ATP13A3: variants seen among roughly 807,000 people sequenced by gnomAD.
The protein encoded by ATP13A3 is ATPase 13A3.
Under a neutral mutation model 158.1 loss-of-function variants are expected in ATP13A3, and 59 were observed. That is an observed-to-expected ratio of 0.37 (90% CI 0.30 to 0.46). ATP13A3 has a LOEUF of 0.46. Among genes scored for constraint, ATP13A3 ranks in the 20% least tolerant of loss-of-function variants. The pLI is 1.00. For missense variants in ATP13A3, 1,166 were observed against 1,525.2 expected (o/e 0.76, Z 3.92); for synonymous variants, 491 against 504.3 (o/e 0.97, Z 0.35).
chr3:194,444,670 CAT>C (rs918194269), intron 15 of ATP13A3, 53 bp downstream of exon 15: 22 of 1,423,342 alleles, frequency 1.5e-5, no homozygotes, highest in Admixed American at 2.3e-5. Context: ...GAATGTTGCA[CAT>C]GTTAAAATAT....
At chr3:194,421,609 A>G (rs1716384122) in intron 30 of ATP13A3, among the ~76,000 whole-genome samples, 1 of 151,822 alleles carries the variant, frequency 6.6e-6, no homozygotes, top group South Asian at 2.1e-4. Context: ...ATTCTACTAA[A>G]TTGTAAATAG....
chr3:194,453,279 T>C (rs1308897234), intron 10 of ATP13A3, among the ~76,000 whole-genome samples: 13 of 123,958 alleles, frequency 1.0e-4, no homozygotes, highest in Non-Finnish European at 1.6e-4. Flanking sequence ...CACATCGACT[T>C]TAAAAAAAAA....
chr3:194,425,319 A>G (rs1716685169), intron 30 of ATP13A3, 23 bp downstream of exon 30: 1 of 1,598,378 alleles, frequency 6.3e-7, no homozygotes, highest in African/African-American at 1.3e-5. Flanking sequence ...CAGGGTGGAA[A>G]TCACAATAAA....
chr3:194,433,661 A>C, intron 21 of ATP13A3, 111 bp downstream of exon 21: 1 of 1,337,500 alleles, frequency 7.5e-7, no homozygotes, highest in Non-Finnish European at 1.0e-6. Context: ...ACTTAGGTTG[A>C]AACCACTATA....
chr3:194,452,493 A>G (rs1577070142), intron 10 of ATP13A3: 1 of 152,346 alleles, frequency 6.6e-6, no homozygotes, highest in East Asian at 1.9e-4. Context: ...AAAAAATAAA[A>G]TAAAATAAAA....
chr3:194,422,859 C>G (rs1053525353), intron 30 of ATP13A3, among the ~76,000 whole-genome samples: 2 of 151,410 alleles, frequency 1.3e-5, no homozygotes, highest in South Asian at 4.2e-4. Context: ...TATCCCTCTC[C>G]CCTTATCCAG....
intron 2 of ATP13A3, among the ~76,000 whole-genome samples, chr3:194,463,006 A>G (rs1719764570): frequency 6.6e-6 from 1 of 152,242 alleles, no homozygotes; most frequent in Non-Finnish European, 1.5e-5. Flanking sequence ...ACTCAAAATT[A>G]TTCACTGTAG....
At chr3:194,412,156 C>CT (rs1362295653) in intron 33 of ATP13A3, 43 bp downstream of exon 33, 1 of 1,442,932 alleles carries the variant, frequency 6.9e-7, no homozygotes, top group East Asian at 2.5e-5. Flanking sequence ...AGCAGAGAGC[C>CT]TAGAGAGGCA....
At chr3:194,459,324 C>T (rs1376742295) in intron 6 of ATP13A3, 147 bp downstream of exon 6, 3 of 642,552 alleles carry the variant, frequency 4.7e-6, no homozygotes, top group Non-Finnish European at 8.3e-6. Context: ...AGCCTTCAAA[C>T]AGCAACAGGG....
chr3:194,450,109 GAAC>G (rs1718700612), intron 11 of ATP13A3, 33 bp downstream of exon 11: 1 of 1,605,076 alleles, frequency 6.2e-7, no homozygotes, highest in Admixed American at 1.7e-5. Context: ...GATATATCAT[GAAC>G]AACTCATGTT....
At chr3:194,441,643 T>A (rs2108867795) in intron 15 of ATP13A3, among the ~76,000 whole-genome samples, 182 bp from the exon 16 acceptor site, 1 of 151,982 alleles carries the variant, frequency 6.6e-6, no homozygotes, top group East Asian at 1.9e-4. Flanking sequence ...GGGTGTGAAC[T>A]TGAGCTGATG....
chr3:194,454,624 C>G (rs565424329), intron 8 of ATP13A3, among the ~76,000 whole-genome samples: 3 of 151,492 alleles, frequency 2.0e-5, no homozygotes, highest in Non-Finnish European at 2.9e-5. Context: ...GTCAGGAGAT[C>G]AAAACATCCT....
intron 2 of ATP13A3, among the ~76,000 whole-genome samples, chr3:194,473,237 A>G (rs1720385528): frequency 6.6e-6 from 1 of 152,232 alleles, no homozygotes; most frequent in Non-Finnish European, 1.5e-5. Flanking sequence ...GATGCCCTGC[A>G]TTCATGTGTC....
intron 30 of ATP13A3, 25 bp from the exon 31 acceptor site, chr3:194,419,992 CAAGTA>C (rs1313187742): frequency 6.7e-6 from 10 of 1,497,358 alleles, no homozygotes; most frequent in Non-Finnish European, 8.8e-6. Flanking sequence ...AAAAGTAAAA[CAAGTA>C]AATTAGGAAA....
At chr3:194,450,586 A>G in intron 10 of ATP13A3, 1 of 282,010 alleles carries the variant, frequency 3.5e-6, no homozygotes, top group Non-Finnish European at 6.9e-6. Flanking sequence ...CTATTAGCCT[A>G]AGGAAGAGAC....
chr3:194,433,953 T>G, intron 20 of ATP13A3, 57 bp from the exon 21 acceptor site: 3 of 1,522,558 alleles, frequency 2.0e-6, no homozygotes, highest in East Asian at 2.3e-5. Context: ...AAGCAACTTA[T>G]GTACACAAAC....
chr3:194,464,535 G>A (rs1719878262), intron 2 of ATP13A3, among the ~76,000 whole-genome samples: 1 of 152,156 alleles, frequency 6.6e-6, no homozygotes, highest in East Asian at 1.9e-4. Flanking sequence ...AGACTATGGT[G>A]AGAATAAGCC....
chr3:194,416,134 A>G (rs935279468), intron 31 of ATP13A3, among the ~76,000 whole-genome samples: 1 of 152,212 alleles, frequency 6.6e-6, no homozygotes, highest in Non-Finnish European at 1.5e-5. Flanking sequence ...TCAGGGAGAA[A>G]AACTGTGTGA....
intron 2 of ATP13A3, among the ~76,000 whole-genome samples, chr3:194,483,993 T>A (rs1389866829): frequency 1.3e-5 from 2 of 151,972 alleles, no homozygotes; most frequent in African/African-American, 4.8e-5. Context: ...TTATCACCTA[T>A]CAAAGAAAAC....
Sources: gnomAD v4.1 joint callset for allele counts (sites outside exome capture counted in the v4.1 genomes callset) on GRCh38, gnomAD v4.1.1 for gene constraint, MANE v1.5 for transcripts, NCBI Gene and HGNC (gene_info 2026-07-23, HGNC 2026-07-21) for gene names.